The following ATL2 variants were observed in gnomAD, a reference collection of about 807,000 sequenced individuals.
ATL2 encodes atlastin GTPase 2.
Under a neutral mutation model 73.9 loss-of-function variants are expected in ATL2, and 31 were observed. The observed-to-expected ratio is 0.42, with a 90% CI of 0.32 to 0.57. The LOEUF (loss-of-function observed/expected upper bound fraction) is 0.57. Ranked by LOEUF, ATL2 falls within the 20% of genes least tolerant of loss-of-function variation. The probability of loss-of-function intolerance (pLI) is 0.14; values close to 1 mark genes in which losing one functional copy is unlikely to be tolerated. For synonymous variants in ATL2, 291 were observed against 237.5 expected (o/e 1.23, Z -2.07); for missense variants, 738 against 702.6 (o/e 1.05, Z -0.57).
chr2:38,297,682 T>A (rs1005562297), intron 12 of ATL2, among the ~76,000 whole-genome samples: 9 of 152,144 alleles, frequency 5.9e-5, no homozygotes, highest in Admixed American at 3.3e-4. Context: ...CATCAGGAAA[T>A]CACTACCATC....
intron 7 of ATL2, among the ~76,000 whole-genome samples, chr2:38,312,487 G>C (rs951920700): frequency 6.6e-6 from 1 of 151,976 alleles, no homozygotes; most frequent in African/African-American, 2.4e-5. Context: ...GAGGTAGGCC[G>C]ATCACAAGGT....
At chr2:38,345,743 T>C (rs1162704539) in intron 1 of ATL2, among the ~76,000 whole-genome samples, 1 of 152,216 alleles carries the variant, frequency 6.6e-6, no homozygotes, top group Non-Finnish European at 1.5e-5. Context: ...CAAAACAGGA[T>C]GCAAACGGTA....
chr2:38,356,019 C>G (rs564465532), intron 1 of ATL2, among the ~76,000 whole-genome samples: 109 of 151,084 alleles, frequency 7.2e-4, no homozygotes, highest in African/African-American at 2.6e-3. Context: ...TTTAACAACT[C>G]TAAGTAATCA....
rs1671113257 is a variant in ATL2 at position 38,363,270 on chromosome 2, G to A, written c.118+13873C>T. On this transcript the variant is annotated intron_variant, in intron 1 of 12. Transcript: ENST00000378954. ...TGTTAGCATCTTTATTATCAAATGA[G>A]CATGTCTGCTGAATAAACTCAGATC... 2.6e-5 allele frequency among the ~76,000 whole-genome samples: 4 copies of A among 151,234 alleles called. No individual in the cohort carries two copies. The South Asian group carries it at 6.3e-4, about 24-fold the overall frequency.
intron 1 of ATL2, among the ~76,000 whole-genome samples, chr2:38,359,053 A>G (rs1670854805): frequency 6.6e-6 from 1 of 152,228 alleles, no homozygotes; most frequent in Non-Finnish European, 1.5e-5. Context: ...AATTACAAAA[A>G]CAAAAATTTT....
intron 2 of ATL2, among the ~76,000 whole-genome samples, chr2:38,328,129 G>C (rs993491940): frequency 1.3e-5 from 2 of 152,032 alleles, no homozygotes; most frequent in African/African-American, 4.8e-5. Flanking sequence ...TCAAAATAAG[G>C]AAACATAAAA....
chr2:38,376,157 T>G, intron 1 of ATL2: 1 of 1,531,932 alleles, frequency 6.5e-7, no homozygotes, highest in Non-Finnish European at 8.8e-7. Flanking sequence ...TTGAAAAAAC[T>G]TTATGCCTTT....
At chr2:38,296,532 G>T in intron 12 of ATL2, 2 of 1,614,054 alleles carry the variant, frequency 1.2e-6, no homozygotes, top group Non-Finnish European at 1.7e-6. Flanking sequence ...TCGCTGTGCT[G>T]ATGAAAGAGC....
chr2:38,296,715 A>G (rs752280172), intron 12 of ATL2: 73 of 1,552,562 alleles, frequency 4.7e-5, no homozygotes, highest in Non-Finnish European at 6.3e-5. Context: ...AGCAAAAGAA[A>G]AGAGAAATGC....
intron 2 of ATL2, among the ~76,000 whole-genome samples, chr2:38,330,869 G>A (rs1184183487): frequency 6.6e-6 from 1 of 152,150 alleles, no homozygotes; most frequent in East Asian, 1.9e-4. Context: ...AAACTGAGAA[G>A]CTAATTCTAA....
intron 1 of ATL2, among the ~76,000 whole-genome samples, chr2:38,362,991 A>C (rs915542546): frequency 2.0e-5 from 3 of 152,234 alleles, no homozygotes; most frequent in African/African-American, 7.2e-5. Context: ...TCACTGTATG[A>C]AATAATTTTA....
intron 4 of ATL2, among the ~76,000 whole-genome samples, chr2:38,316,354 G>C (rs890621723): frequency 1.3e-5 from 2 of 152,168 alleles, no homozygotes; most frequent in African/African-American, 2.4e-5. Flanking sequence ...TCTGCTTTTA[G>C]AAAATAGGTC....
intron 1 of ATL2, among the ~76,000 whole-genome samples, chr2:38,365,604 C>T (rs945402052): frequency 6.6e-6 from 1 of 152,162 alleles, no homozygotes; most frequent in Non-Finnish European, 1.5e-5. Flanking sequence ...GCCTGCCCAA[C>T]ATAGTGAAAC....
chr2:38,319,007 A>T lies in ATL2; in HGVS notation c.376T>A (p.Trp126Arg). Residue 126 changes from tryptophan to arginine, a missense_variant, in exon 3 of 13, where the codon TGG becomes AGG. Trp to Arg is a moderately radical substitution (Grantham distance 101, BLOSUM62 -3). Transcript: ENST00000378954. ...AATGGTTCATTGTTTCCACCAATCC[A>T]ACTTTGAGAATCCTGTTAAAGTCAA... ...RYMYNKDSQS[W>R]IGGNNEPLTG... 6.2e-7 allele frequency: 1 copy of T among 1,612,570 alleles called. No homozygotes were observed. Among genetic ancestry groups the T allele is most frequent in the Non-Finnish European group, 8.5e-7 (1 of 1,179,622 alleles).
intron 1 of ATL2, among the ~76,000 whole-genome samples, chr2:38,368,142 G>C (rs539169856): frequency 6.6e-6 from 1 of 151,160 alleles, no homozygotes; most frequent in African/African-American, 2.4e-5. Flanking sequence ...CACTGTGTTA[G>C]CCAGGATGGC....
intron 1 of ATL2, among the ~76,000 whole-genome samples, chr2:38,363,353 GTTGT>G (rs1416988129): frequency 1.5e-5 from 2 of 131,152 alleles, no homozygotes; most frequent in African/African-American, 5.7e-5. Flanking sequence ...AAAAATACAA[GTTGT>G]TTATTAAAAA....
intron 1 of ATL2, among the ~76,000 whole-genome samples, chr2:38,361,518 G>A (rs1671014925): frequency 6.6e-6 from 1 of 152,116 alleles, no homozygotes; most frequent in East Asian, 1.9e-4. Context: ...TTCAGGACAG[G>A]TGCATATCTA....
chr2:38,376,256 G>A (rs911373999), intron 1 of ATL2: 6 of 1,418,334 alleles, frequency 4.2e-6, no homozygotes, highest in African/African-American at 1.4e-5. Flanking sequence ...CTATAAATAG[G>A]GGTGTTATGA....
At position 38,300,282 on chromosome 2, in the gene ATL2, G is replaced by C; in HGVS notation, c.1118C>G (p.Ser373Cys). The C allele has an allele frequency of 1.2e-6, 2 of 1,602,298 alleles. No individual in the cohort carries two copies. Among genetic ancestry groups the C allele is most frequent in the East Asian group, 2.2e-5 (1 of 44,782 alleles). The change falls in exon 10 of 13, where the codon TCC becomes TGC. Residue 373 changes from serine to cysteine, a missense_variant. Coordinates refer to ENST00000378954, the MANE Select transcript of ATL2 (RefSeq NM_001135673.4). ...TCTCTCTCTCTCTACCTGAAGCATG[G>C]ACTTTGGATGTGGAAGTTCTTCTCC... Reference protein sequence around the residue: ...YQGEELPHPKSMLQATAEANN... With the variant: ...YQGEELPHPKCMLQATAEANN...
Sources: gnomAD v4.1 joint callset for allele counts (sites outside exome capture counted in the v4.1 genomes callset) on GRCh38, gnomAD v4.1.1 for gene constraint, MANE v1.5 for transcripts, NCBI Gene and HGNC (gene_info 2026-07-23, HGNC 2026-07-21) for gene names.